CDH18: variants seen among roughly 807,000 people sequenced by gnomAD.
The protein encoded by CDH18 is cadherin-18.
Under a neutral mutation model 67.9 loss-of-function variants are expected in CDH18, and 31 were observed. The observed-to-expected ratio is 0.46, with a 90% CI of 0.34 to 0.62. The LOEUF (loss-of-function observed/expected upper bound fraction) is 0.62. Ranked by LOEUF, CDH18 falls within the 20% of genes least tolerant of loss-of-function variation. The probability of loss-of-function intolerance (pLI) is 0.01; values close to 1 mark genes in which losing one functional copy is unlikely to be tolerated. For missense variants in CDH18, 890 were observed against 975.5 expected (o/e 0.91, Z 1.17); for synonymous variants, 362 against 347.2 (o/e 1.04, Z -0.48).
chr5:20,379,805 T>C (rs1158196256), intron 1 of CDH18, among the ~76,000 whole-genome samples: 1 of 151,338 alleles, frequency 6.6e-6, no homozygotes, highest in African/African-American at 2.4e-5. Context: ...AAAAAAAACA[T>C]TAAATTATCT....
intron 1 of CDH18, among the ~76,000 whole-genome samples, chr5:20,300,296 G>A (rs1482778181): frequency 6.8e-5 from 4 of 58,628 alleles, no homozygotes; most frequent in Admixed American, 5.0e-4. Flanking sequence ...ATTAAGTTGT[G>A]TGTGTGCGTG....
At chr5:20,194,173 A>G (rs1690591397) in intron 2 of CDH18, among the ~76,000 whole-genome samples, 1 of 152,168 alleles carries the variant, frequency 6.6e-6, no homozygotes, top group Admixed American at 6.6e-5. Flanking sequence ...CAGGAAGTCA[A>G]GCTGTCTCTT....
At chr5:19,651,391 C>A (rs527848496) in intron 5 of CDH18, among the ~76,000 whole-genome samples, 7 of 152,018 alleles carry the variant, frequency 4.6e-5, no homozygotes, top group Non-Finnish European at 7.4e-5. Flanking sequence ...TAGTTCAATA[C>A]GTAGTTCTGA....
At chr5:19,631,848 T>C (rs1387642545) in intron 5 of CDH18, among the ~76,000 whole-genome samples, 3 of 152,194 alleles carry the variant, frequency 2.0e-5, no homozygotes, top group Admixed American at 2.0e-4. Flanking sequence ...ATTCCACTTT[T>C]TTTGGTCATT....
chr5:20,098,284 T>G (rs1447432003), intron 2 of CDH18, among the ~76,000 whole-genome samples: 1 of 152,074 alleles, frequency 6.6e-6, no homozygotes, highest in Non-Finnish European at 1.5e-5. Flanking sequence ...TGCTTCTTTA[T>G]TTAAATTTTA....
chr5:19,660,928 G>A (rs1270342741), intron 5 of CDH18, among the ~76,000 whole-genome samples: 1 of 150,924 alleles, frequency 6.6e-6, no homozygotes, highest in Non-Finnish European at 1.5e-5. Flanking sequence ...AAAGTGTGTG[G>A]TAATTTGTTA....
At chr5:19,630,363 G>A (rs1752250322) in intron 5 of CDH18, among the ~76,000 whole-genome samples, 1 of 152,074 alleles carries the variant, frequency 6.6e-6, no homozygotes, top group Non-Finnish European at 1.5e-5. Context: ...TATATCCTAT[G>A]TGAACTAATA....
intron 2 of CDH18, among the ~76,000 whole-genome samples, chr5:19,861,763 T>C (rs1475711977): frequency 2.0e-5 from 3 of 152,026 alleles, no homozygotes; most frequent in Non-Finnish European, 2.9e-5. Context: ...ACTGAAAAAA[T>C]TGTGCTTCCA....
chr5:20,137,834 C>CA lies in CDH18; in HGVS notation c.-518+117609dup, dbSNP rs1024653840. On this transcript the variant is annotated intron_variant, in intron 2 of 14. Transcript: ENST00000507958. ...CAGTCAGGACCCTCAGCCTACCAAC[C>CA]AAAAAAAAGTCCAGGATCATATGGA... 5.3e-5 allele frequency among the ~76,000 whole-genome samples: 8 copies of CA among 151,262 alleles called. No homozygotes were observed. The South Asian group carries it at 1.5e-3, about 28-fold the overall frequency.
At chr5:19,865,631 G>C (rs1010883399) in intron 2 of CDH18, among the ~76,000 whole-genome samples, 2 of 151,976 alleles carry the variant, frequency 1.3e-5, no homozygotes, top group African/African-American at 4.8e-5. Context: ...GGACCACCCA[G>C]GTGCTTAATG....
At chr5:20,429,510 G>T (rs190265881) in intron 1 of CDH18, among the ~76,000 whole-genome samples, 7 of 152,216 alleles carry the variant, frequency 4.6e-5, no homozygotes, top group Non-Finnish European at 7.4e-5. Context: ...TCTGTAGTCA[G>T]GTCTGGACTG....
intron 2 of CDH18, among the ~76,000 whole-genome samples, chr5:19,965,570 TA>T (rs1797345178): frequency 1.3e-5 from 2 of 152,208 alleles, no homozygotes; most frequent in African/African-American, 2.4e-5. Flanking sequence ...AAATATCTAT[TA>T]AAGTTGAATC....
At chr5:19,869,064 G>T (rs1326621136) in intron 2 of CDH18, among the ~76,000 whole-genome samples, 1 of 152,080 alleles carries the variant, frequency 6.6e-6, no homozygotes, top group Non-Finnish European at 1.5e-5. Context: ...GCAATGTATG[G>T]AGAAAATAAA....
intron 2 of CDH18, among the ~76,000 whole-genome samples, chr5:20,110,737 G>A (rs542797423): frequency 1.3e-5 from 2 of 152,244 alleles, no homozygotes; most frequent in South Asian, 4.1e-4. Context: ...TGCAAAATAT[G>A]ACCAATTACT....
chr5:20,078,182 C>A (rs778944178), intron 2 of CDH18, among the ~76,000 whole-genome samples: 62 of 152,178 alleles, frequency 4.1e-4, no homozygotes, highest in Non-Finnish European at 8.1e-4. Flanking sequence ...TCACTTATGG[C>A]CGGGTGTGGT....
chr5:20,264,780 C>G, intron 1 of CDH18, among the ~76,000 whole-genome samples: 1 of 151,978 alleles, frequency 6.6e-6, no homozygotes, highest in East Asian at 1.9e-4. Flanking sequence ...AAATATGTGG[C>G]TTTAGAGTGA....
At chr5:20,398,895 A>G (rs1003710957) in intron 1 of CDH18, among the ~76,000 whole-genome samples, 1 of 150,846 alleles carries the variant, frequency 6.6e-6, no homozygotes, top group African/African-American at 2.4e-5. Flanking sequence ...CCACCACGGC[A>G]CACGTATACC....
In CDH18 at chr5:20,362,777, C is replaced by A. The variant is rs1742190068; in HGVS notation, c.-579-107272G>T. Among the ~76,000 whole-genome samples, 4 of 152,102 alleles carry A rather than the reference C, an allele frequency of 2.6e-5. 1 individual carries two copies. The South Asian group carries it at 8.3e-4, about 32-fold the overall frequency. On this transcript the variant is annotated intron_variant, in intron 1 of 14. Transcript: ENST00000507958. ...TCATATTGAGTATTCTAAATCTTTA[C>A]CTTTAGCCCGTAATATTTTCTTGAA...
chr5:19,849,757 CATATATATAAACATATAT>C (rs1783481113), intron 2 of CDH18, among the ~76,000 whole-genome samples: 2 of 86,052 alleles, frequency 2.3e-5, no homozygotes, highest in African/African-American at 3.0e-5. Flanking sequence ...TATATACACG[CATATATATAAACATATAT>C]ATATATATGA....
Sources: allele counts gnomAD v4.1 joint callset (sites outside exome capture counted in the v4.1 genomes callset), GRCh38; gene constraint gnomAD v4.1.1; transcripts MANE v1.5; gene names NCBI Gene and HGNC (gene_info 2026-07-23, HGNC 2026-07-21).